GRM5: variants seen among roughly 807,000 people sequenced by gnomAD.
GRM5 encodes metabotropic glutamate receptor 5.
In GRM5, 19 loss-of-function variants were observed where a neutral mutation model predicts 83.1. The observed-to-expected ratio is 0.23, with a 90% CI of 0.16 to 0.34. The LOEUF is 0.34. Among genes scored for constraint, GRM5 ranks in the 10% least tolerant of loss-of-function variants. The probability of loss-of-function intolerance (pLI) is 1.00; values close to 1 mark genes in which losing one functional copy is unlikely to be tolerated. For synonymous variants in GRM5, 675 were observed against 633.6 expected (o/e 1.07, Z -0.98); for missense variants, 1,160 against 1,588.3 (o/e 0.73, Z 4.58).
At chr11:88,648,998 C>T (rs1459688017) in intron 4 of GRM5, among the ~76,000 whole-genome samples, 1 of 144,716 alleles carries the variant, frequency 6.9e-6, no homozygotes, top group Non-Finnish European at 1.5e-5. Context: ...AAGTAATATA[C>T]AAAGGAAATA....
intron 2 of GRM5, among the ~76,000 whole-genome samples, chr11:88,889,405 C>A (rs2221116): frequency 6.6e-6 from 1 of 152,082 alleles, no homozygotes; most frequent in African/African-American, 2.4e-5. Context: ...GTCTCAGTCA[C>A]AATTTTGCAA....
At chr11:88,954,685 C>T (rs1938555246) in intron 2 of GRM5, among the ~76,000 whole-genome samples, 2 of 152,114 alleles carry the variant, frequency 1.3e-5, no homozygotes, top group Admixed American at 1.3e-4. Context: ...ATTTAAGAAA[C>T]CACATGTGGC....
chr11:89,029,595 G>A (rs7122674), intron 2 of GRM5, among the ~76,000 whole-genome samples: 12,115 of 152,124 alleles, frequency 0.08, 782 homozygotes, highest in African/African-American at 0.18. Context: ...AAATTTAAGC[G>A]TTGAGTTTAT....
chr11:88,834,435 A>C (rs533367455), intron 3 of GRM5, among the ~76,000 whole-genome samples: 47 of 152,344 alleles, frequency 3.1e-4, no homozygotes, highest in Middle Eastern at 3.4e-3. Context: ...ATTAGAAAAC[A>C]ATAAAGCTTT....
intron 2 of GRM5, among the ~76,000 whole-genome samples, chr11:89,026,863 G>C (rs1941140263): frequency 6.6e-6 from 1 of 152,170 alleles, no homozygotes. Flanking sequence ...TCTTCTCACA[G>C]TATTTCACAA....
chr11:88,750,047 A>T lies in GRM5; in HGVS notation c.912-96644T>A, dbSNP rs545280126. 3.4e-4 allele frequency among the ~76,000 whole-genome samples: 52 copies of T among 152,262 alleles called. No homozygotes were observed. The South Asian group carries it at 0.011, about 31-fold the overall frequency. On this transcript the variant is annotated intron_variant, in intron 3 of 9. Transcript: ENST00000305447. The stretch of plus-strand genomic sequence containing the variant: ...ACACAAACAAGTCTGAAAAATAACC[A>T]GCTAGCATAATGATGATAGAATCAA...
At chr11:88,691,383 T>C (rs1591443210) in intron 3 of GRM5, among the ~76,000 whole-genome samples, 1 of 152,304 alleles carries the variant, frequency 6.6e-6, no homozygotes, top group South Asian at 2.1e-4. Flanking sequence ...CAAAAAATAA[T>C]AGTTACTTTA....
chr11:88,705,452 A>G (rs545190082), intron 3 of GRM5, among the ~76,000 whole-genome samples: 2 of 152,196 alleles, frequency 1.3e-5, no homozygotes, highest in East Asian at 3.9e-4. Context: ...TGCTAGAAGT[A>G]TCACTGTTTT....
intron 3 of GRM5, among the ~76,000 whole-genome samples, chr11:88,687,317 A>T (rs996717686): frequency 6.7e-6 from 1 of 149,976 alleles, no homozygotes; most frequent in Non-Finnish European, 1.5e-5. Flanking sequence ...TACTAAAAAA[A>T]ATACAAAAAA....
At chr11:89,009,849 C>T (rs1233952154) in intron 2 of GRM5, among the ~76,000 whole-genome samples, 2 of 127,882 alleles carry the variant, frequency 1.6e-5, no homozygotes, top group Admixed American at 1.9e-4. Flanking sequence ...TGCAGTGAGC[C>T]GAGATCGCGC....
rs145399145 is a variant in GRM5 at position 88,839,743 on chromosome 11, A to G, written c.911+10163T>C. ...GCAACATCATGTTACACAGTCAAAT[A>G]TCTATATATAACTTTTGACTCTCCT... On this transcript the variant is annotated intron_variant, in intron 3 of 9. Transcript: ENST00000305447. Among the ~76,000 whole-genome samples the G allele has an allele frequency of 2.6e-3, 401 of 152,344 alleles. 3 individuals carry two copies. The highest frequency in any genetic ancestry group is 9.3e-3 in the African/African-American group (386 of 41,584).
At chr11:88,874,536 T>A (rs1199710091) in intron 2 of GRM5, among the ~76,000 whole-genome samples, 1 of 151,586 alleles carries the variant, frequency 6.6e-6, no homozygotes, top group African/African-American at 2.4e-5. Context: ...TGAACAAAGG[T>A]TTTTGCAATA....
intron 2 of GRM5, among the ~76,000 whole-genome samples, chr11:88,987,126 C>T (rs1939746881): frequency 6.6e-6 from 1 of 152,042 alleles, no homozygotes; most frequent in African/African-American, 2.4e-5. Context: ...GAGTGCCAGA[C>T]AGTGGGCGCA....
intron 7 of GRM5, among the ~76,000 whole-genome samples, chr11:88,579,835 T>C (rs759421065): frequency 6.6e-6 from 1 of 152,180 alleles, no homozygotes; most frequent in Non-Finnish European, 1.5e-5. Context: ...CTGGCTTATT[T>C]TGTAAAAAGA....
intron 2 of GRM5, among the ~76,000 whole-genome samples, chr11:88,966,358 A>C (rs372897365): frequency 1.8e-4 from 28 of 152,248 alleles, no homozygotes; most frequent in African/African-American, 6.0e-4. Context: ...AGCAAATCGA[A>C]AAACTAGGAG....
At position 88,506,586 on chromosome 11, in the gene GRM5, G is replaced by T. The variant is rs1255224541; in HGVS notation, c.*2006C>A. Reference sequence around the variant, plus strand: ...CCTCGGTGTAATATTTGGGATCAGGGTGCTGTGATGATGTTATTTTCAAAT... The same window carrying T: ...CCTCGGTGTAATATTTGGGATCAGGTTGCTGTGATGATGTTATTTTCAAAT... On this transcript the variant is annotated 3_prime_UTR_variant, in exon 10 of 10. Coordinates refer to ENST00000305447, the MANE Select transcript of GRM5 (RefSeq NM_001143831.3). 2.0e-5 allele frequency: 3 copies of T among 152,174 alleles called. No homozygotes were observed. Among genetic ancestry groups the T allele is most frequent in the Non-Finnish European group, 4.4e-5 (3 of 68,026 alleles). 9.4% of individuals were successfully genotyped at this position (152,174 alleles called of 1,614,324 possible). A position where few individuals can be genotyped will look rare whatever the true frequency, so the allele number is the denominator to read the frequency against.
intron 3 of GRM5, among the ~76,000 whole-genome samples, chr11:88,669,954 G>A (rs1008180617): frequency 1.3e-5 from 2 of 151,902 alleles, no homozygotes; most frequent in Admixed American, 6.6e-5. Context: ...AAAATTTATA[G>A]GGAAATGTAA....
chr11:88,704,027 C>T (rs1339310282), intron 3 of GRM5, among the ~76,000 whole-genome samples: 1 of 152,010 alleles, frequency 6.6e-6, no homozygotes. Flanking sequence ...TTGGTGAGGG[C>T]CTGCTTCCTG....
intron 6 of GRM5, among the ~76,000 whole-genome samples, chr11:88,592,038 T>C (rs1937651006): frequency 6.6e-6 from 1 of 152,162 alleles, no homozygotes; most frequent in African/African-American, 2.4e-5. Context: ...CAATGTATGT[T>C]GGACTTCAAA....
Sources: gnomAD v4.1 joint callset for allele counts (sites outside exome capture counted in the v4.1 genomes callset) on GRCh38, gnomAD v4.1.1 for gene constraint, MANE v1.5 for transcripts, NCBI Gene and HGNC (gene_info 2026-07-23, HGNC 2026-07-21) for gene names.